IGF1R: variants seen among roughly 807,000 people sequenced by gnomAD.
IGF1R encodes the protein insulin-like growth factor 1 receptor.
Under a neutral mutation model 144.6 loss-of-function variants are expected in IGF1R, and 44 were observed. That is an observed-to-expected ratio of 0.30 (90% CI 0.24 to 0.39). The LOEUF is 0.39. IGF1R is among the 10% of genes least tolerant of loss of function. The pLI, the probability that IGF1R is intolerant of heterozygous loss-of-function variation, is 1.00. For missense variants in IGF1R, 1,355 were observed against 1,833.7 expected, an observed-to-expected ratio of 0.74 and a Z score of 4.77; for synonymous variants, 795 against 722.8, an observed-to-expected ratio of 1.10 and a Z score of -1.60.
chr15:98,686,635 CTT>C (rs1368187528), intron 1 of IGF1R, among the ~76,000 whole-genome samples: 1 of 150,714 alleles, frequency 6.6e-6, no homozygotes, highest in Non-Finnish European at 1.5e-5. Context: ...TTTGATGGGA[CTT>C]TTGAGTTTTA....
intron 2 of IGF1R, among the ~76,000 whole-genome samples, chr15:98,781,416 C>T (rs905936235): frequency 2.6e-5 from 4 of 152,232 alleles, no homozygotes; most frequent in Admixed American, 6.5e-5. Flanking sequence ...TTACTAATGT[C>T]GCACATCAGA....
intron 2 of IGF1R, among the ~76,000 whole-genome samples, chr15:98,867,154 GGAGAGAGAGA>G (rs60863950): frequency 8.9e-5 from 13 of 146,226 alleles, no homozygotes; most frequent in South Asian, 4.4e-4. Flanking sequence ...AGAGAAAGGG[GGAGAGAGAGA>G]GAGAGAGAGA....
At chr15:98,950,592 C>A (rs28656816) in intron 20 of IGF1R, among the ~76,000 whole-genome samples, 1 of 152,232 alleles carries the variant, frequency 6.6e-6, no homozygotes, top group Non-Finnish European at 1.5e-5. Flanking sequence ...CATAGGCCCT[C>A]TCATAACAGC....
intron 20 of IGF1R, among the ~76,000 whole-genome samples, chr15:98,949,844 T>C (rs1567218563): frequency 6.6e-6 from 1 of 152,272 alleles, no homozygotes; most frequent in East Asian, 1.9e-4. Context: ...GGTGCTGTTT[T>C]GTGGCTCAGT....
At chr15:98,734,498 A>C (rs2054567326) in intron 2 of IGF1R, among the ~76,000 whole-genome samples, 1 of 152,140 alleles carries the variant, frequency 6.6e-6, no homozygotes, top group Non-Finnish European at 1.5e-5. Flanking sequence ...ATACCCATGG[A>C]GGTTTCGTAA....
intron 2 of IGF1R, among the ~76,000 whole-genome samples, chr15:98,728,742 C>T (rs537188839): frequency 6.6e-6 from 1 of 152,244 alleles, no homozygotes; most frequent in African/African-American, 2.4e-5. Flanking sequence ...AGCTGGTGGC[C>T]TTTGGTGATC....
rs117776097 is a variant in IGF1R, at chr15:98,733,641, T to G, written c.640+25534T>G. Reference sequence around the variant, plus strand: ...AGCCCTCCAAAATCATTAAGCTGATTTGTAGAATCAGTTTGCTGTCTGACT... The same window carrying G: ...AGCCCTCCAAAATCATTAAGCTGATGTGTAGAATCAGTTTGCTGTCTGACT... On this transcript the variant is annotated intron_variant, in intron 2 of 20. Coordinates refer to ENST00000650285, the MANE Select transcript of IGF1R (RefSeq NM_000875.5). Among the ~76,000 whole-genome samples the G allele has an allele frequency of 5.2e-3, 787 of 152,230 alleles. 3 individuals are homozygous for G. The highest frequency in any genetic ancestry group is 8.9e-3 in the Non-Finnish European group (606 of 68,014).
chr15:98,964,318 CAG>C lies in IGF1R; in HGVS notation c.*6877_*6878del, dbSNP rs2017342884. 2 of 231,154 alleles carry C rather than the reference CAG, an allele frequency of 8.7e-6. No homozygotes were observed. The highest frequency in any genetic ancestry group is 1.2e-4 in the East Asian group (2 of 16,058). 14.3% of individuals were successfully genotyped at this position (231,154 alleles called of 1,614,324 possible). On this transcript the variant is annotated 3_prime_UTR_variant, in exon 21 of 21. Coordinates refer to ENST00000650285, the MANE Select transcript of IGF1R (RefSeq NM_000875.5). Reference sequence around the variant, plus strand: ...AAAAAATCCTGTTTATATAAAAAATCAGTAGATGAAAAAAATTTCAAAATGTT... The same window carrying C: ...AAAAAATCCTGTTTATATAAAAAATCTAGATGAAAAAAATTTCAAAATGTT...
intron 2 of IGF1R, among the ~76,000 whole-genome samples, chr15:98,803,498 TTTTA>T (rs3076065): frequency 6.9e-6 from 1 of 144,608 alleles, no homozygotes; most frequent in African/African-American, 2.5e-5. Context: ...GAATATTACA[TTTTA>T]TTTATTTATT....
intron 2 of IGF1R, among the ~76,000 whole-genome samples, chr15:98,834,626 G>T (rs1456021301): frequency 1.3e-5 from 2 of 152,230 alleles, no homozygotes; most frequent in Non-Finnish European, 2.9e-5. Flanking sequence ...CAGTGACTGT[G>T]AGGTGGGAAT....
chr15:98,937,534 C>T (rs2016200354), intron 17 of IGF1R, among the ~76,000 whole-genome samples: 1 of 152,178 alleles, frequency 6.6e-6, no homozygotes, highest in South Asian at 2.1e-4. Context: ...CTTTCTAGCT[C>T]ATGTCAAGTA....
At chr15:98,726,776 A>G (rs984876989) in intron 2 of IGF1R, among the ~76,000 whole-genome samples, 8 of 142,996 alleles carry the variant, frequency 5.6e-5, no homozygotes, top group East Asian at 2.0e-4. Context: ...CTGGAGTGCA[A>G]TGGTGTGATC....
At chr15:98,868,396 C>T (rs2012585255) in intron 2 of IGF1R, among the ~76,000 whole-genome samples, 1 of 146,084 alleles carries the variant, frequency 6.8e-6, no homozygotes, top group Non-Finnish European at 1.5e-5. Context: ...TAGAATGGCC[C>T]TGACAGATCT....
rs918719343 is a variant in IGF1R at position 98,934,750 on chromosome 15, T to G, written c.2957-74T>G. 1.2e-5 allele frequency: 16 copies of G among 1,286,116 alleles called. No individual in the cohort carries two copies. The Admixed American group carries it at 1.4e-4, about 12-fold the overall frequency. The allele number at this position is 1,286,116 out of a possible 1,614,324, so 79.7% of individuals were successfully genotyped here. On this transcript the variant is annotated intron_variant, in intron 15 of 20. Coordinates refer to ENST00000650285, the MANE Select transcript of IGF1R (RefSeq NM_000875.5). ...GAAGCAGCATCTTATATTCTTTGGC[T>G]TAGAGTTCCCCCAAAGCACGTTCTG...
chr15:98,858,169 G>A (rs559948256), intron 2 of IGF1R, among the ~76,000 whole-genome samples: 10 of 152,290 alleles, frequency 6.6e-5, no homozygotes, highest in African/African-American at 2.4e-4. Flanking sequence ...AGCTTTTGTG[G>A]CTATGAAAAT....
chr15:98,960,934 T>G lies in IGF1R; in HGVS notation c.*3492T>G, dbSNP rs1447933701. On this transcript the variant is annotated 3_prime_UTR_variant, in exon 21 of 21. Transcript: ENST00000650285. Reference sequence around the variant, plus strand: ...CCCCCGCCAGGGCTGTACCTCCGTCTCCCTGGTCCTGCTGCTCACAGGACA... The same window carrying G: ...CCCCCGCCAGGGCTGTACCTCCGTCGCCCTGGTCCTGCTGCTCACAGGACA... 3 of 233,846 alleles carry G rather than the reference T, an allele frequency of 1.3e-5. No homozygotes were observed. Among genetic ancestry groups the G allele is most frequent in the Admixed American group, 5.6e-5 (1 of 17,800 alleles). 14.5% of individuals were successfully genotyped at this position (233,846 alleles called of 1,614,324 possible). A position where few individuals can be genotyped will look rare whatever the true frequency, so the allele number is the denominator to read the frequency against.
chr15:98,832,200 C>T (rs1596340740), intron 2 of IGF1R, among the ~76,000 whole-genome samples: 2 of 152,124 alleles, frequency 1.3e-5, no homozygotes, highest in African/African-American at 4.8e-5. Flanking sequence ...TGCACAGATT[C>T]TGTGTGCCCA....
chr15:98,821,799 G>C (rs1349814976), intron 2 of IGF1R, among the ~76,000 whole-genome samples: 5 of 152,212 alleles, frequency 3.3e-5, no homozygotes, highest in Non-Finnish European at 5.9e-5. Flanking sequence ...AAGACTAGAA[G>C]TGTTGAAAGG....
At chr15:98,890,386 C>T (rs2013847033) in intron 2 of IGF1R, 1 of 152,238 alleles carries the variant, frequency 6.6e-6, no homozygotes, top group Non-Finnish European at 1.5e-5. Context: ...ATCGTCCTCA[C>T]TGCTGCACTC....
Sources: allele counts gnomAD v4.1 joint callset (sites outside exome capture counted in the v4.1 genomes callset), GRCh38; gene constraint gnomAD v4.1.1; transcripts MANE v1.5; gene names NCBI Gene and HGNC (gene_info 2026-07-23, HGNC 2026-07-21).